DCUN1D4: variants seen among roughly 807,000 people sequenced by gnomAD.
DCUN1D4 encodes DCN1-like protein 4.
Under a neutral mutation model 47.9 loss-of-function variants are expected in DCUN1D4, and 22 were observed. That is an observed-to-expected ratio of 0.46 (90% confidence interval 0.33 to 0.66). The LOEUF (loss-of-function observed/expected upper bound fraction) is 0.66. Ranked by LOEUF, DCUN1D4 falls within the 30% of genes least tolerant of loss-of-function variation. The pLI, the probability that DCUN1D4 is intolerant of heterozygous loss-of-function variation, is 0.02. For synonymous variants in DCUN1D4, 121 were observed against 112.2 expected (o/e 1.08, Z -0.50); for missense variants, 301 against 340.8 (o/e 0.88, Z 0.92).
chr4:51,858,247 T>C (rs1288502032), intron 1 of DCUN1D4, among the ~76,000 whole-genome samples: 1 of 152,194 alleles, frequency 6.6e-6, no homozygotes, highest in African/African-American at 2.4e-5. Context: ...AAAGGTGATA[T>C]TAAAATGGAA....
At chr4:51,906,711 A>G (rs1732950674) in intron 8 of DCUN1D4, among the ~76,000 whole-genome samples, 2 of 152,238 alleles carry the variant, frequency 1.3e-5, no homozygotes, top group African/African-American at 4.8e-5. Flanking sequence ...TCTTAGTTTT[A>G]TCCTTAAGAT....
At chr4:51,855,002 A>G (rs1023067964) in intron 1 of DCUN1D4, among the ~76,000 whole-genome samples, 2 of 152,210 alleles carry the variant, frequency 1.3e-5, no homozygotes, top group African/African-American at 2.4e-5. Flanking sequence ...TCTGGTCCCA[A>G]GCATTTCTGA....
chr4:51,864,022 G>T (rs1725510479), intron 3 of DCUN1D4, among the ~76,000 whole-genome samples: 1 of 152,170 alleles, frequency 6.6e-6, no homozygotes, highest in East Asian at 1.9e-4. Flanking sequence ...AATTTGAAAG[G>T]TATTCCACAA....
At chr4:51,906,952 T>C (rs1228791703) in intron 8 of DCUN1D4, among the ~76,000 whole-genome samples, 1 of 152,212 alleles carries the variant, frequency 6.6e-6, no homozygotes, top group Non-Finnish European at 1.5e-5. Flanking sequence ...ATTTATAAAT[T>C]GGGGATTATA....
chr4:51,839,098 A>G (rs1005773668), upstream of DCUN1D4, among the ~76,000 whole-genome samples: 4 of 151,104 alleles, frequency 2.6e-5, no homozygotes, highest in African/African-American at 9.8e-5. Context: ...AGAGAGAGAG[A>G]AAAGGAAGGA....
chr4:51,851,346 T>C (rs935926964), intron 1 of DCUN1D4, among the ~76,000 whole-genome samples: 9 of 152,188 alleles, frequency 5.9e-5, no homozygotes, highest in African/African-American at 2.2e-4. Context: ...GGGGAATGGT[T>C]AGCAGTTGTC....
chr4:51,863,824 C>G, intron 3 of DCUN1D4, 115 bp downstream of exon 3: 1 of 1,129,956 alleles, frequency 8.8e-7, no homozygotes, highest in Non-Finnish European at 1.3e-6. Flanking sequence ...ACAAATTGTT[C>G]CTTGGCTGAG....
chr4:51,891,700 GT>G (rs796307877), intron 6 of DCUN1D4, 59 bp from the exon 7 acceptor site: 4 of 1,339,246 alleles, frequency 3.0e-6, no homozygotes, highest in Non-Finnish European at 3.1e-6. Flanking sequence ...AGATCTATTT[GT>G]TTTTTCTTTT....
intron 8 of DCUN1D4, among the ~76,000 whole-genome samples, chr4:51,904,771 G>A (rs1195034979): frequency 6.6e-6 from 1 of 152,064 alleles, no homozygotes. Flanking sequence ...TATCTTGGTT[G>A]GAAGAAGAAC....
At chr4:51,885,385 A>C (rs1729308130) in intron 5 of DCUN1D4, among the ~76,000 whole-genome samples, 1 of 152,346 alleles carries the variant, frequency 6.6e-6, no homozygotes, top group East Asian at 1.9e-4. Flanking sequence ...GAAAGGAGGA[A>C]TACAGGAAGA....
At chr4:51,848,114 A>C in intron 1 of DCUN1D4, 1 of 1,006,520 alleles carries the variant, frequency 9.9e-7, no homozygotes, top group South Asian at 1.5e-5. Flanking sequence ...ATTTTTCTTC[A>C]AGGAACACAA....
rs1204454476 is a variant in DCUN1D4 at position 51,863,324 on chromosome 4, AAATT to A, written c.26-108_26-105del. On this transcript the variant is annotated intron_variant, in intron 1 of 10. Coordinates refer to ENST00000334635, the MANE Select transcript of DCUN1D4 (RefSeq NM_001040402.3). ...CATGTTTTTAAAAAACTTTAGTGTC[AAATT>A]AATTGAGATAGTATTTAATTATATC... The A allele has an allele frequency of 1.2e-5, 10 of 858,040 alleles. No individual in the cohort carries two copies. In the South Asian group the frequency reaches 1.3e-4, roughly 11 times the overall value. The allele number at this position is 858,040 out of a possible 1,614,324, so 53.2% of individuals were successfully genotyped here.
chr4:51,873,038 G>C (rs900540918), intron 3 of DCUN1D4, among the ~76,000 whole-genome samples: 1 of 152,182 alleles, frequency 6.6e-6, no homozygotes, highest in Admixed American at 6.5e-5. Context: ...TTCAAATGGC[G>C]AATGAGAGAC....
At position 51,863,447 on chromosome 4, in the gene DCUN1D4, G is replaced by GA. The variant is rs867867631; in HGVS notation, c.38dup (p.Asn13LysfsTer12). On this transcript the variant is annotated frameshift_variant, in exon 2 of 11. Transcript: ENST00000334635. LOFTEE classifies it high-confidence loss of function. ...CTTTTTCTTTTCAAGATTTTCAGCT[G>GA]AACTCTCATCTCTCAACACTGGCAA... is the stretch of plus-strand genomic sequence containing the variant. 2 of 1,610,846 alleles carry GA rather than the reference G, an allele frequency of 1.2e-6. No homozygotes were observed. Among genetic ancestry groups the GA allele is most frequent in the African/African-American group, 2.7e-5 (2 of 74,772 alleles).
intron 3 of DCUN1D4, 21 bp downstream of exon 3, chr4:51,863,730 T>G (rs1725456642): frequency 6.2e-7 from 1 of 1,605,764 alleles, no homozygotes; most frequent in East Asian, 2.2e-5. Context: ...ATGCTAACAC[T>G]ACTTAATTTT....
chr4:51,840,039 A>T (rs1172485804), upstream of DCUN1D4, among the ~76,000 whole-genome samples: 1 of 152,240 alleles, frequency 6.6e-6, no homozygotes, highest in Admixed American at 6.5e-5. Flanking sequence ...GGTATCATTA[A>T]CATGGAGTAA....
At chr4:51,880,865 TC>T (rs1341783114) in intron 5 of DCUN1D4, among the ~76,000 whole-genome samples, 2 of 152,182 alleles carry the variant, frequency 1.3e-5, no homozygotes, top group Non-Finnish European at 2.9e-5. Context: ...GCATGGTGAC[TC>T]ACGCCTGTAA....
intron 5 of DCUN1D4, among the ~76,000 whole-genome samples, chr4:51,880,539 C>G (rs1728435693): frequency 6.6e-6 from 1 of 152,186 alleles, no homozygotes; most frequent in African/African-American, 2.4e-5. Flanking sequence ...GGCCTGAGCC[C>G]AGCTCTTCCA....
chr4:51,853,762 A>G (rs1406837120), intron 1 of DCUN1D4, among the ~76,000 whole-genome samples: 1 of 152,208 alleles, frequency 6.6e-6, no homozygotes, highest in African/African-American at 2.4e-5. Flanking sequence ...TCATTTAAAT[A>G]TTAATAGCTT....
Sources: allele counts gnomAD v4.1 joint callset (sites outside exome capture counted in the v4.1 genomes callset), GRCh38; gene constraint gnomAD v4.1.1; transcripts MANE v1.5; gene names NCBI Gene and HGNC (gene_info 2026-07-23, HGNC 2026-07-21).